Variants in NELL1 observed in about 807,000 individuals in gnomAD.
NELL1 encodes protein kinase C-binding protein NELL1.
NELL1 carries 76 observed loss-of-function variants against 107.4 expected under a neutral mutation model. The observed-to-expected ratio is 0.71, with a 90% confidence interval of 0.59 to 0.86. The LOEUF is 0.86. Among genes scored for constraint, NELL1 ranks in the 40% least tolerant of loss-of-function variants. The pLI is 0.00. For missense variants in NELL1, 1,024 were observed against 1,005.5 expected, an observed-to-expected ratio of 1.02 and a Z score of -0.25; for synonymous variants, 353 against 341.2, an observed-to-expected ratio of 1.03 and a Z score of -0.38.
intron 15 of NELL1, among the ~76,000 whole-genome samples, chr11:21,474,878 A>G (rs1564912374): frequency 1.3e-5 from 2 of 152,130 alleles, no homozygotes; most frequent in Non-Finnish European, 2.9e-5. Flanking sequence ...AATACTAGCA[A>G]TGGTTCTCTG....
intron 13 of NELL1, among the ~76,000 whole-genome samples, chr11:21,160,968 T>C (rs1856351789): frequency 6.6e-6 from 1 of 151,048 alleles, no homozygotes; most frequent in East Asian, 1.9e-4. Context: ...CTTGTTACCT[T>C]AACTATGGTT....
At chr11:21,289,390 C>T (rs763683173) in intron 14 of NELL1, among the ~76,000 whole-genome samples, 1 of 152,172 alleles carries the variant, frequency 6.6e-6, no homozygotes, top group Non-Finnish European at 1.5e-5. Context: ...GGCGGTTCCT[C>T]ACCTGGGAAG....
rs4363591 is a variant in NELL1 at position 21,504,682 on chromosome 11, G to C, written c.1646-29692G>C. Among the ~76,000 whole-genome samples the C allele has an allele frequency of 0.014, 2,137 of 152,010 alleles. 145 individuals are homozygous for C. In the East Asian group the frequency reaches 0.23, roughly 16 times the overall value. On this transcript the variant is annotated intron_variant, in intron 15 of 19. Transcript: ENST00000357134. The stretch of plus-strand genomic sequence containing the variant: ...TTGGTAATTTTCCTGCTTTTCCTGT[G>C]GCTTCCAGGGAGAATGTATACTACT...
At chr11:21,515,765 C>G (rs1855546072) in intron 15 of NELL1, among the ~76,000 whole-genome samples, 1 of 152,156 alleles carries the variant, frequency 6.6e-6, no homozygotes, top group South Asian at 2.1e-4. Flanking sequence ...CTCTTAAGGA[C>G]TCCATGATCT....
At chr11:20,795,730 C>T (rs971386167) in intron 3 of NELL1, among the ~76,000 whole-genome samples, 2 of 151,874 alleles carry the variant, frequency 1.3e-5, no homozygotes, top group Non-Finnish European at 2.9e-5. Flanking sequence ...CCATGGAATC[C>T]TTTTCTGAGG....
chr11:21,533,929 A>T (rs988856148), intron 15 of NELL1, among the ~76,000 whole-genome samples: 1 of 152,180 alleles, frequency 6.6e-6, no homozygotes, highest in African/African-American at 2.4e-5. Flanking sequence ...GCTGTCATTT[A>T]AAAAAATCAG....
chr11:20,847,664 A>T lies in NELL1; in HGVS notation c.417A>T (p.Ala139=), dbSNP rs1427947622. The part of the protein sequence containing the change: ...YIHNGKPRTE[A]LPYRMADGQW... ...ACAATGGGAAGCCAAGGACAGAGGC[A>T]CTTCCTTACCGCATGGCAGATGGAC... Residue 139 remains alanine, a synonymous_variant, in exon 4 of 20, where the codon GCA becomes GCT. Coordinates refer to ENST00000357134, the MANE Select transcript of NELL1 (RefSeq NM_006157.5). The T allele has an allele frequency of 1.9e-6, 3 of 1,613,844 alleles. No homozygotes were observed. The highest frequency in any genetic ancestry group is 2.5e-6 in the Non-Finnish European group (3 of 1,179,836).
chr11:21,515,059 A>T (rs1233168325), intron 15 of NELL1, among the ~76,000 whole-genome samples: 1 of 152,204 alleles, frequency 6.6e-6, no homozygotes, highest in Non-Finnish European at 1.5e-5. Flanking sequence ...AGTATCTGAA[A>T]ATGACTTTCC....
chr11:21,489,914 A>G (rs760693057), intron 15 of NELL1, among the ~76,000 whole-genome samples: 10 of 152,108 alleles, frequency 6.6e-5, no homozygotes, highest in African/African-American at 1.9e-4. Flanking sequence ...ACTTACATCA[A>G]TCCTATTTAT....
chr11:20,685,462 C>T (rs1590203413), intron 2 of NELL1, among the ~76,000 whole-genome samples: 1 of 152,062 alleles, frequency 6.6e-6, no homozygotes, highest in Non-Finnish European at 1.5e-5. Flanking sequence ...TACTGTTTCA[C>T]CACAGCTCTG....
At chr11:20,704,113 C>T (rs902075085) in intron 2 of NELL1, among the ~76,000 whole-genome samples, 2 of 152,064 alleles carry the variant, frequency 1.3e-5, no homozygotes, top group African/African-American at 4.8e-5. Context: ...GTGTTAATGT[C>T]TCCCATTATT....
At chr11:21,136,283 G>T (rs540569594) in intron 13 of NELL1, among the ~76,000 whole-genome samples, 1 of 152,186 alleles carries the variant, frequency 6.6e-6, no homozygotes, top group East Asian at 1.9e-4. Context: ...AGCCATGCCT[G>T]TTGTGAGGGG....
At chr11:20,950,662 T>C (rs933624797) in intron 11 of NELL1, among the ~76,000 whole-genome samples, 2 of 152,184 alleles carry the variant, frequency 1.3e-5, no homozygotes, top group African/African-American at 4.8e-5. Flanking sequence ...CGAGAAACAC[T>C]CAATTTCTAT....
At chr11:21,269,883 A>G (rs574550568) in intron 14 of NELL1, among the ~76,000 whole-genome samples, 1 of 152,256 alleles carries the variant, frequency 6.6e-6, no homozygotes, top group South Asian at 2.1e-4. Context: ...AAGTGAAATG[A>G]ATGACAGCAA....
chr11:21,098,197 G>T (rs930479014), intron 12 of NELL1, among the ~76,000 whole-genome samples: 3 of 152,096 alleles, frequency 2.0e-5, no homozygotes, highest in Admixed American at 2.0e-4. Context: ...CTTTTCTATG[G>T]TAATTATTTT....
intron 3 of NELL1, among the ~76,000 whole-genome samples, chr11:20,845,445 A>G (rs1381549601): frequency 1.3e-5 from 2 of 152,084 alleles, no homozygotes; most frequent in African/African-American, 2.4e-5. Flanking sequence ...GAGTATTTCT[A>G]ATTGTCATTG....
chr11:20,683,671 T>C (rs1478201459), intron 2 of NELL1, among the ~76,000 whole-genome samples: 1 of 152,176 alleles, frequency 6.6e-6, no homozygotes, highest in Non-Finnish European at 1.5e-5. Flanking sequence ...CTGCTGGTGA[T>C]GAATTCTTTT....
At chr11:21,478,705 A>C (rs1230493899) in intron 15 of NELL1, among the ~76,000 whole-genome samples, 1 of 151,930 alleles carries the variant, frequency 6.6e-6, no homozygotes, top group African/African-American at 2.4e-5. Context: ...AAAAAAAAAA[A>C]AGGACTTTTG....
chr11:21,443,798 C>T (rs1001762431), intron 15 of NELL1, among the ~76,000 whole-genome samples: 3 of 150,436 alleles, frequency 2.0e-5, no homozygotes, highest in Admixed American at 6.6e-5. Context: ...TGCAGTAAGA[C>T]GAGATTACAC....
Sources: gnomAD v4.1 joint callset for allele counts (sites outside exome capture counted in the v4.1 genomes callset) on GRCh38, gnomAD v4.1.1 for gene constraint, MANE v1.5 for transcripts, NCBI Gene and HGNC (gene_info 2026-07-23, HGNC 2026-07-21) for gene names.